The following RNF150 variants were observed in gnomAD, a reference collection of about 807,000 sequenced individuals.
RNF150 encodes the protein ring finger protein 150.
In RNF150, 24 loss-of-function variants were observed where a neutral mutation model predicts 39.3. That is an observed-to-expected ratio of 0.61 (90% CI 0.44 to 0.86). The LOEUF is 0.86. Among genes scored for constraint, RNF150 ranks in the 40% least tolerant of loss-of-function variants. The pLI, the probability that RNF150 is intolerant of heterozygous loss-of-function variation, is 0.00. For synonymous variants in RNF150, 255 were observed against 227.3 expected (o/e 1.12, Z -1.10); for missense variants, 502 against 587.8 (o/e 0.85, Z 1.51).
intron 1 of RNF150, among the ~76,000 whole-genome samples, chr4:141,026,681 C>T (rs1290063156): frequency 3.3e-5 from 5 of 152,154 alleles, no homozygotes; most frequent in African/African-American, 9.7e-5. Flanking sequence ...GTTTCACAAA[C>T]GTATTTGCTC....
chr4:140,936,860 T>C (rs978973586), intron 4 of RNF150, among the ~76,000 whole-genome samples: 1 of 152,148 alleles, frequency 6.6e-6, no homozygotes, highest in Non-Finnish European at 1.5e-5. Context: ...TAGTCAATAG[T>C]AATATATCAA....
chr4:141,141,856 G>A (rs1727122761), intron 1 of RNF150, among the ~76,000 whole-genome samples: 2 of 152,128 alleles, frequency 1.3e-5, no homozygotes, highest in African/African-American at 4.8e-5. Flanking sequence ...CTGTGAGAAA[G>A]ATGACACCAG....
At chr4:140,898,158 G>GATAGATAGGGATATA (rs1437972205) in intron 6 of RNF150, among the ~76,000 whole-genome samples, 10 of 152,090 alleles carry the variant, frequency 6.6e-5, no homozygotes, top group Non-Finnish European at 1.0e-4. Flanking sequence ...CTATCATAGG[G>GATAGATAGGGATATA]CTTGGATGCT....
chr4:141,000,082 AGAAGGAGAAGAAGAAGAAGAAGAAGAG>A (rs1734600745), intron 1 of RNF150, among the ~76,000 whole-genome samples: 1 of 73,668 alleles, frequency 1.4e-5, no homozygotes, highest in African/African-American at 5.3e-5. Flanking sequence ...AAGAAGAAGA[AGAAGGAGAAGAAGAAGAAGAAGAAGAG>A]GAGGAAGAAG....
intron 6 of RNF150, among the ~76,000 whole-genome samples, chr4:140,872,140 T>C (rs929867153): frequency 6.6e-6 from 1 of 152,228 alleles, no homozygotes; most frequent in African/African-American, 2.4e-5. Flanking sequence ...ATGTTTTACT[T>C]TGAGGCTACA....
At chr4:141,174,966 C>A (rs954247372) in intron 1 of RNF150, among the ~76,000 whole-genome samples, 3 of 151,640 alleles carry the variant, frequency 2.0e-5, no homozygotes, top group African/African-American at 7.3e-5. Flanking sequence ...GCAGCCTTAG[C>A]AGGAGATAAC....
chr4:140,886,925 A>G (rs915147828), intron 6 of RNF150, among the ~76,000 whole-genome samples: 10 of 152,204 alleles, frequency 6.6e-5, no homozygotes, highest in Non-Finnish European at 8.8e-5. Flanking sequence ...GAACTTTTAT[A>G]CTTTTAGCTT....
chr4:141,159,917 T>C (rs144321718), intron 1 of RNF150, among the ~76,000 whole-genome samples: 1 of 152,282 alleles, frequency 6.6e-6, no homozygotes, highest in Non-Finnish European at 1.5e-5. Flanking sequence ...TGGTGTGTTT[T>C]TTTTTCAAAC....
In RNF150 at chr4:141,201,256, G is replaced by A. The variant is rs35218778; in HGVS notation, c.-6+11538C>T. On this transcript the variant is annotated intron_variant, in intron 1 of 7. Transcript: ENST00000420921. ...TATACAATTACTATAAACAATGCAT[G>A]AGGCCACATTACTCACACAGAAGAA... Among the ~76,000 whole-genome samples the A allele has an allele frequency of 3.8e-3, 576 of 152,278 alleles. 5 individuals are homozygous for A. The highest frequency in any genetic ancestry group is 0.013 in the African/African-American group (560 of 41,560).
intron 1 of RNF150, among the ~76,000 whole-genome samples, chr4:141,181,639 T>C (rs1727911298): frequency 6.6e-6 from 1 of 152,198 alleles, no homozygotes; most frequent in Non-Finnish European, 1.5e-5. Context: ...CTCTCTCTAA[T>C]TTTTTACTGT....
At chr4:140,871,789 G>GT (rs1422568970) in intron 6 of RNF150, among the ~76,000 whole-genome samples, 2 of 152,284 alleles carry the variant, frequency 1.3e-5, no homozygotes, top group African/African-American at 4.8e-5. Context: ...TCACACCTTG[G>GT]TTTTTTCTAA....
At position 141,012,781 on chromosome 4, in the gene RNF150, C is replaced by CAA. The variant is rs397995597; in HGVS notation, c.485-44910_485-44909dup. ...CTGGTGACAGAGTAAGACTCTGTCT[C>CAA]AAAAAAAAAAAAAAAAAAAAAGGCA... On this transcript the variant is annotated intron_variant, in intron 1 of 6. Coordinates refer to ENST00000515673, the MANE Select transcript of RNF150 (RefSeq NM_020724.2). 4.0e-3 allele frequency among the ~76,000 whole-genome samples: 286 copies of CAA among 71,362 alleles called. 7 individuals are homozygous for CAA. Among genetic ancestry groups the CAA allele is most frequent in the Middle Eastern group, 0.019 (2 of 106 alleles). 46.8% of individuals were successfully genotyped at this position (71,362 alleles called of 152,430 possible).
At chr4:140,967,209 T>C (rs1033152033) in intron 2 of RNF150, among the ~76,000 whole-genome samples, 1 of 152,166 alleles carries the variant, frequency 6.6e-6, no homozygotes. Flanking sequence ...GTGATACTTT[T>C]TGCATTTTGT....
intron 1 of RNF150, among the ~76,000 whole-genome samples, chr4:141,178,726 GA>G (rs1401654815): frequency 6.6e-6 from 1 of 150,480 alleles, no homozygotes; most frequent in African/African-American, 2.5e-5. Context: ...GATCCATGTG[GA>G]TGCTAGTTCA....
intron 5 of RNF150, among the ~76,000 whole-genome samples, chr4:140,914,439 T>C (rs1730735716): frequency 6.6e-6 from 1 of 152,232 alleles, no homozygotes; most frequent in Non-Finnish European, 1.5e-5. Context: ...GCATTTAAAT[T>C]CAAGTTAGCA....
chr4:141,169,615 C>G (rs1050172503), intron 1 of RNF150, among the ~76,000 whole-genome samples: 3 of 152,070 alleles, frequency 2.0e-5, no homozygotes, highest in Non-Finnish European at 4.4e-5. Flanking sequence ...AGGAAGTATG[C>G]CTGACATGGG....
At chr4:141,053,665 C>A in intron 1 of RNF150, 1 of 1,377,746 alleles carries the variant, frequency 7.3e-7, no homozygotes, top group Non-Finnish European at 9.4e-7. Context: ...CTAAAGCATA[C>A]CTGAGGAAAG....
chr4:141,096,770 A>G (rs1306552120), intron 1 of RNF150, among the ~76,000 whole-genome samples: 1 of 152,260 alleles, frequency 6.6e-6, no homozygotes, highest in Non-Finnish European at 1.5e-5. Context: ...ACAAAACCAC[A>G]TATTCCGTTA....
chr4:141,051,873 A>G (rs943321063), intron 1 of RNF150, among the ~76,000 whole-genome samples: 2 of 152,088 alleles, frequency 1.3e-5, no homozygotes, highest in Non-Finnish European at 2.9e-5. Context: ...CCCAGTCACA[A>G]TTTATGGTAT....
Sources: gnomAD v4.1 joint callset for allele counts (sites outside exome capture counted in the v4.1 genomes callset) on GRCh38, gnomAD v4.1.1 for gene constraint, MANE v1.5 for transcripts, NCBI Gene and HGNC (gene_info 2026-07-23, HGNC 2026-07-21) for gene names.